TBCA: variants seen among roughly 807,000 people sequenced by gnomAD.
The protein encoded by TBCA is tubulin-specific chaperone A.
TBCA carries 6 observed loss-of-function variants against 15.8 expected under a neutral mutation model. That is an observed-to-expected ratio of 0.38 (90% CI 0.21 to 0.75). The LOEUF (loss-of-function observed/expected upper bound fraction) is 0.75, where lower values mean the gene tolerates loss of function less well. TBCA is among the 30% of genes least tolerant of loss of function. TBCA has a pLI of 0.46. For synonymous variants in TBCA, 32 were observed against 42.3 expected (o/e 0.76, Z 0.94); for missense variants, 90 against 131.2 (o/e 0.69, Z 1.53).
intron 1 of TBCA, among the ~76,000 whole-genome samples, chr5:77,767,444 T>C (rs1747805557): frequency 2.0e-5 from 3 of 152,244 alleles, no homozygotes; most frequent in Admixed American, 1.3e-4. Flanking sequence ...GTAATCATTG[T>C]GTGAATCATT....
At chr5:77,693,633 C>A (rs1580086939) in intron 2 of TBCA, 3 of 341,240 alleles carry the variant, frequency 8.8e-6, no homozygotes, top group South Asian at 2.6e-5. Flanking sequence ...AACCCTGTCT[C>A]TACTAAAAAT....
In TBCA at chr5:77,770,863, T is replaced by C. The variant is rs570350582; in HGVS notation, c.53+5342A>G. Among the ~76,000 whole-genome samples, 5 of 152,176 alleles carry C rather than the reference T, an allele frequency of 3.3e-5. No individual in the cohort carries two copies. The South Asian group carries it at 6.2e-4, about 19-fold the overall frequency. The stretch of plus-strand genomic sequence containing the variant: ...ATAATAACCCACCTAGGGCCAGGCA[T>C]AGTGGCTCACGCCTATAATTCCAGC... On this transcript the variant is annotated intron_variant, in intron 1 of 3. Coordinates refer to ENST00000380377, the MANE Select transcript of TBCA (RefSeq NM_004607.3).
intron 1 of TBCA, among the ~76,000 whole-genome samples, chr5:77,746,172 T>TA (rs1174433742): frequency 1.3e-5 from 2 of 152,110 alleles, no homozygotes; most frequent in African/African-American, 4.8e-5. Flanking sequence ...CTCAGACCTG[T>TA]AATCCCAGCA....
intron 1 of TBCA, among the ~76,000 whole-genome samples, chr5:77,716,688 C>T (rs1179987738): frequency 6.6e-6 from 1 of 152,166 alleles, no homozygotes; most frequent in Non-Finnish European, 1.5e-5. Flanking sequence ...AACTGTTAAA[C>T]TCCATATCCT....
intron 2 of TBCA, chr5:77,693,716 T>G: frequency 5.0e-6 from 1 of 198,628 alleles, no homozygotes; most frequent in South Asian, 7.2e-5. Context: ...GGAGAATCGC[T>G]TGAACCCAGG....
At chr5:77,731,877 T>C (rs1746780225) in intron 1 of TBCA, among the ~76,000 whole-genome samples, 1 of 152,122 alleles carries the variant, frequency 6.6e-6, no homozygotes, top group Admixed American at 6.6e-5. Context: ...GAGGAGAAAA[T>C]TCCAAAAGAT....
In TBCA at chr5:77,744,691, A is replaced by G. The variant is rs189394577; in HGVS notation, c.53+31514T>C. ...GCTGGGATTACAGGCATCCACCACT[A>G]TGCACGGCTAATTTTTGTATTTTTA... On this transcript the variant is annotated intron_variant, in intron 1 of 3. Coordinates refer to ENST00000380377, the MANE Select transcript of TBCA (RefSeq NM_004607.3). 1.3e-4 allele frequency among the ~76,000 whole-genome samples: 19 copies of G among 151,922 alleles called. No individual in the cohort carries two copies. In the East Asian group the frequency reaches 3.1e-3, roughly 25 times the overall value.
chr5:77,691,226 G>A lies in TBCA; in HGVS notation c.*192C>T, dbSNP rs992545333. On this transcript the variant is annotated 3_prime_UTR_variant, in exon 4 of 4. Transcript: ENST00000380377. ...AAGGTTAATTTAAAAATTTTGTAAA[G>A]TATAAAATAAACAATTTTATTAGAT... 1.7e-6 allele frequency: 1 copy of A among 571,634 alleles called. No homozygotes were observed. Among genetic ancestry groups the A allele is most frequent in the Non-Finnish European group, 3.0e-6 (1 of 331,550 alleles). 35.4% of individuals were successfully genotyped at this position (571,634 alleles called of 1,614,324 possible).
In TBCA at chr5:77,757,986, G is replaced by A. The variant is rs140001089; in HGVS notation, c.53+18219C>T. On this transcript the variant is annotated intron_variant, in intron 1 of 3. Coordinates refer to ENST00000380377, the MANE Select transcript of TBCA (RefSeq NM_004607.3). ...CTCAGAAGAAAGAATTCGACTGAGG[G>A]GTATAAGGTAGAAAAAGAGAATGAG... Among the ~76,000 whole-genome samples, 398 of 152,212 alleles carry A rather than the reference G, an allele frequency of 2.6e-3. No homozygotes were observed. In the Middle Eastern group the frequency reaches 0.031, roughly 12 times the overall value.
rs1458681296 is a variant in TBCA at position 77,766,635 on chromosome 5, G to A, written c.53+9570C>T. On this transcript the variant is annotated intron_variant, in intron 1 of 3. Transcript: ENST00000380377. ...CGCCATTCTCCTGCCTCAGCCTCCC[G>A]AGTAGCTGGGACCACAGGCGCCCGC... Among the ~76,000 whole-genome samples the A allele has an allele frequency of 7.3e-5, 6 of 82,162 alleles. 2 individuals are homozygous for A. The highest frequency in any genetic ancestry group is 1.0e-4 in the Non-Finnish European group (4 of 39,588). The allele number at this position is 82,162 out of a possible 152,430, so 53.9% of individuals were successfully genotyped here.
At position 77,709,980 on chromosome 5, in the gene TBCA, T is replaced by G. The variant is rs544284284; in HGVS notation, c.54-1633A>C. Among the ~76,000 whole-genome samples the G allele has an allele frequency of 2.0e-5, 3 of 152,292 alleles. No individual in the cohort carries two copies. In the East Asian group the frequency reaches 5.8e-4, roughly 29 times the overall value. On this transcript the variant is annotated intron_variant, in intron 1 of 3. Coordinates refer to ENST00000380377, the MANE Select transcript of TBCA (RefSeq NM_004607.3). ...AAATCTATAGAAACGTAAAGTAGATTAGTGGTTGCTTAGGACTGGGGACAA... is the reference window on the plus strand; with the variant it reads ...AAATCTATAGAAACGTAAAGTAGATGAGTGGTTGCTTAGGACTGGGGACAA...
chr5:77,735,000 A>G (rs1327636435), intron 1 of TBCA, among the ~76,000 whole-genome samples: 1 of 152,224 alleles, frequency 6.6e-6, no homozygotes, highest in Non-Finnish European at 1.5e-5. Flanking sequence ...TATGGTATGT[A>G]CATTTTTTAG....
chr5:77,727,961 T>C (rs779376248), intron 1 of TBCA, among the ~76,000 whole-genome samples: 1 of 152,074 alleles, frequency 6.6e-6, no homozygotes, highest in South Asian at 2.1e-4. Context: ...GCTTCTAGTT[T>C]TAAGATTTTG....
At chr5:77,710,370 A>G (rs1485997914) in intron 1 of TBCA, among the ~76,000 whole-genome samples, 2 of 152,214 alleles carry the variant, frequency 1.3e-5, no homozygotes, top group South Asian at 2.1e-4. Context: ...GAGATATAAT[A>G]TTTTAAAATA....
Position 77,772,883 on chromosome 5 carries a change from A to G in TBCA, c.53+3322T>C, listed in dbSNP as rs553103303. On this transcript the variant is annotated intron_variant, in intron 1 of 3. Transcript: ENST00000380377. ...AAAAACTTAGTTTATAATAATCTCA[A>G]TGAGTATTTTCTCTAGAATATGTAT... 3.3e-5 allele frequency among the ~76,000 whole-genome samples: 5 copies of G among 152,356 alleles called. No individual in the cohort carries two copies. The South Asian group carries it at 1.0e-3, about 32-fold the overall frequency.
chr5:77,693,700 G>T (rs575873235), intron 2 of TBCA: 1 of 218,744 alleles, frequency 4.6e-6, no homozygotes, highest in African/African-American at 2.4e-5. Flanking sequence ...TCAGGAGGCT[G>T]AGGCAGGAGA....
chr5:77,724,857 A>C (rs1276689401), intron 1 of TBCA, among the ~76,000 whole-genome samples: 5 of 152,206 alleles, frequency 3.3e-5, no homozygotes, highest in African/African-American at 9.6e-5. Context: ...GTTAAGATTT[A>C]AGTCCTAATT....
At chr5:77,772,234 A>T (rs1353060320) in intron 1 of TBCA, among the ~76,000 whole-genome samples, 1 of 152,178 alleles carries the variant, frequency 6.6e-6, no homozygotes, top group Non-Finnish European at 1.5e-5. Flanking sequence ...TGTTCAACTT[A>T]TGTACAGAAA....
chr5:77,736,404 T>C (rs1561275379), intron 1 of TBCA, among the ~76,000 whole-genome samples: 1 of 152,152 alleles, frequency 6.6e-6, no homozygotes, highest in Non-Finnish European at 1.5e-5. Flanking sequence ...CTGCTCTCTT[T>C]TCTTCTACAA....
Sources: gnomAD v4.1 joint callset for allele counts (sites outside exome capture counted in the v4.1 genomes callset) on GRCh38, gnomAD v4.1.1 for gene constraint, MANE v1.5 for transcripts, NCBI Gene and HGNC (gene_info 2026-07-23, HGNC 2026-07-21) for gene names.